IL1RAPL2: variants seen among roughly 807,000 people sequenced by gnomAD.
IL1RAPL2 encodes interleukin 1 receptor accessory protein like 2, also known as X-linked interleukin-1 receptor accessory protein-like 2.
A neutral mutation model predicts 44.1 loss-of-function variants in IL1RAPL2; 3 were observed. That is an observed-to-expected ratio of 0.07 (90% CI 0.03 to 0.18). The LOEUF is 0.18. IL1RAPL2 is among the 10% of genes least tolerant of loss of function. The pLI is 1.00. For synonymous variants in IL1RAPL2, 181 were observed against 178.8 expected (o/e 1.01, Z -0.10); for missense variants, 391 against 496.4 (o/e 0.79, Z 2.02).
intron 2 of IL1RAPL2, among the ~76,000 whole-genome samples, chrX:105,036,394 G>A (rs1238909315): frequency 9.0e-6 from 1 of 111,603 alleles, no homozygotes; most frequent in East Asian, 2.8e-4. Flanking sequence ...TGGCTTCTCT[G>A]GCTCATGGAT....
At chrX:105,257,031 G>A (rs1326182605) in intron 4 of IL1RAPL2, among the ~76,000 whole-genome samples, 1 of 111,504 alleles carries the variant, frequency 9.0e-6, no homozygotes, top group Non-Finnish European at 1.9e-5. Context: ...TTTGATGTTA[G>A]GTTGTTAATT....
intron 2 of IL1RAPL2, among the ~76,000 whole-genome samples, chrX:105,082,736 A>C (rs917805069): frequency 8.9e-6 from 1 of 112,046 alleles, no homozygotes; most frequent in African/African-American, 3.2e-5. Context: ...AAACTAACAA[A>C]CAGAAAGGAA....
chrX:105,766,374 G>A (rs1018460144), intron 10 of IL1RAPL2, among the ~76,000 whole-genome samples: 3 of 111,184 alleles, frequency 2.7e-5, no homozygotes, highest in East Asian at 2.8e-4. Context: ...AGAAATAATC[G>A]GAGAAACAAG....
intron 2 of IL1RAPL2, among the ~76,000 whole-genome samples, chrX:105,128,427 A>T (rs1252795901): frequency 1.8e-5 from 2 of 111,255 alleles, no homozygotes; most frequent in African/African-American, 6.5e-5. Context: ...ATGCATAAGC[A>T]TACACAGGAA....
At chrX:104,570,844 A>G (rs1928131404) in intron 1 of IL1RAPL2, among the ~76,000 whole-genome samples, 1 of 111,769 alleles carries the variant, frequency 8.9e-6, no homozygotes, top group Admixed American at 9.5e-5. Flanking sequence ...GAGTTTCAAA[A>G]TGCTTTTTAG....
At chrX:104,858,302 A>T (rs1569327927) in intron 2 of IL1RAPL2, among the ~76,000 whole-genome samples, 1 of 111,765 alleles carries the variant, frequency 8.9e-6, no homozygotes. Flanking sequence ...ATTGTAACTT[A>T]TAGGAATTAA....
At chrX:105,630,406 G>A (rs776701648) in intron 6 of IL1RAPL2, among the ~76,000 whole-genome samples, 5 of 110,751 alleles carry the variant, frequency 4.5e-5, no homozygotes, top group African/African-American at 6.6e-5. Context: ...CAGAAGTGAG[G>A]CTCCAACATG....
intron 2 of IL1RAPL2, among the ~76,000 whole-genome samples, chrX:104,979,204 A>G (rs1486929711): frequency 9.0e-6 from 1 of 111,610 alleles, no homozygotes; most frequent in African/African-American, 3.2e-5. Flanking sequence ...TTAAAGGGCC[A>G]TATTAAAATA....
chrX:105,447,185 AT>A, intron 5 of IL1RAPL2, among the ~76,000 whole-genome samples: 1 of 18,914 alleles, frequency 5.3e-5, no homozygotes, highest in East Asian at 1.8e-3. Context: ...ATATATAAAT[AT>A]AAATATATAT....
chrX:104,974,508 C>G (rs1387771046), intron 2 of IL1RAPL2, among the ~76,000 whole-genome samples: 9 of 112,037 alleles, frequency 8.0e-5, no homozygotes, highest in Admixed American at 6.6e-4. Flanking sequence ...CAACTGGATT[C>G]AAGTTATTTA....
intron 6 of IL1RAPL2, among the ~76,000 whole-genome samples, chrX:105,701,517 A>T (rs1054645771): frequency 9.0e-6 from 1 of 111,292 alleles, no homozygotes; most frequent in African/African-American, 3.3e-5. Flanking sequence ...TGTGTATGTC[A>T]TTCCAGTCTA....
chrX:105,392,273 C>T (rs1399994669), intron 5 of IL1RAPL2, among the ~76,000 whole-genome samples: 1 of 110,605 alleles, frequency 9.0e-6, no homozygotes, highest in Non-Finnish European at 1.9e-5. Context: ...CATTTAGGAC[C>T]CCTCATCAGC....
chrX:105,027,678 C>T (rs1259605159), intron 2 of IL1RAPL2, among the ~76,000 whole-genome samples: 1 of 111,293 alleles, frequency 9.0e-6, no homozygotes, highest in South Asian at 3.7e-4. Context: ...CATGAAATAA[C>T]AAATGCTGGT....
chrX:105,675,068 C>T (rs1317812695), intron 6 of IL1RAPL2, among the ~76,000 whole-genome samples: 1 of 110,634 alleles, frequency 9.0e-6, no homozygotes, highest in Non-Finnish European at 1.9e-5. Context: ...GGCGCTGAGA[C>T]GATGGGGTTT....
intron 2 of IL1RAPL2, among the ~76,000 whole-genome samples, chrX:104,779,176 A>C (rs1932756972): frequency 8.9e-6 from 1 of 112,427 alleles, no homozygotes; most frequent in South Asian, 3.7e-4. Context: ...AGGAAGATAT[A>C]ATAGATAGAA....
intron 2 of IL1RAPL2, among the ~76,000 whole-genome samples, chrX:104,776,906 G>A (rs1397794915): frequency 9.0e-6 from 1 of 111,115 alleles, no homozygotes; most frequent in East Asian, 2.8e-4. Context: ...TTTACCTAAC[G>A]CTCTTTTTCT....
At chrX:104,856,157 C>A (rs1922359639) in intron 2 of IL1RAPL2, among the ~76,000 whole-genome samples, 1 of 111,795 alleles carries the variant, frequency 8.9e-6, no homozygotes, top group Non-Finnish European at 1.9e-5. Context: ...TCATCATTCA[C>A]ACGATTTTGG....
At chrX:104,578,242 T>G (rs1928278695) in intron 1 of IL1RAPL2, among the ~76,000 whole-genome samples, 1 of 111,823 alleles carries the variant, frequency 8.9e-6, no homozygotes, top group Non-Finnish European at 1.9e-5. Context: ...GGGCACATCT[T>G]GTGCTGCCAG....
intron 2 of IL1RAPL2, among the ~76,000 whole-genome samples, chrX:105,052,719 T>C (rs929206972): frequency 2.7e-5 from 3 of 110,502 alleles, no homozygotes; most frequent in African/African-American, 6.6e-5. Flanking sequence ...TTTTTTTTTC[T>C]TTTTTTAACT....
Sources: allele counts gnomAD v4.1 joint callset (sites outside exome capture counted in the v4.1 genomes callset), GRCh38; gene constraint gnomAD v4.1.1; transcripts MANE v1.5; gene names NCBI Gene and HGNC (gene_info 2026-07-23, HGNC 2026-07-21).